FLI1: variants seen among roughly 807,000 people sequenced by gnomAD.
The protein encoded by FLI1 is Friend leukemia integration 1 transcription factor.
Under a neutral mutation model 53.1 loss-of-function variants are expected in FLI1, and 13 were observed. That is an observed-to-expected ratio of 0.24 (90% CI 0.16 to 0.39). FLI1 has a LOEUF of 0.39. FLI1 is among the 10% of genes least tolerant of loss of function. The pLI is 1.00. For synonymous variants in FLI1, 244 were observed against 236.7 expected (o/e 1.03, Z -0.28); for missense variants, 424 against 600.5 (o/e 0.71, Z 3.07).
chr11:128,693,490 G>A (rs1937846979), upstream of FLI1: 1 of 175,408 alleles, frequency 5.7e-6, no homozygotes. Context: ...GTTACCCGCA[G>A]CCCTAGCCAA....
intron 5 of FLI1, among the ~76,000 whole-genome samples, chr11:128,797,837 C>T (rs964668541): frequency 3.9e-5 from 6 of 152,038 alleles, no homozygotes; most frequent in Non-Finnish European, 8.8e-5. Flanking sequence ...GATCACCTAG[C>T]GAGGGACACA....
intron 1 of FLI1, among the ~76,000 whole-genome samples, chr11:128,752,206 C>A (rs975010148): frequency 1.3e-5 from 2 of 151,908 alleles, no homozygotes; most frequent in African/African-American, 4.8e-5. Context: ...AACCTCCTGG[C>A]CTCAGATGAT....
At chr11:128,689,470 A>C (rs1937652502), upstream of FLI1, among the ~76,000 whole-genome samples, 1 of 152,124 alleles carries the variant, frequency 6.6e-6, no homozygotes, top group African/African-American at 2.4e-5. Context: ...CCCAGGCTGC[A>C]TTCTGAGGGA....
chr11:128,809,102 C>A, intron 7 of FLI1, 55 bp from the exon 8 acceptor site: 2 of 1,386,002 alleles, frequency 1.4e-6, no homozygotes, highest in Non-Finnish European at 1.0e-6. Flanking sequence ...ATGGTTGGTA[C>A]GGTTGTCATA....
In FLI1 at chr11:128,790,740, TAG is replaced by T. The variant is rs1942246806; in HGVS notation, c.655+8720_655+8721del. Among the ~76,000 whole-genome samples the T allele has an allele frequency of 2.6e-5, 4 of 152,222 alleles. No individual in the cohort carries two copies. In the South Asian group the frequency reaches 8.3e-4, roughly 32 times the overall value. The stretch of plus-strand genomic sequence containing the variant: ...CTTATTAGAGGTGGGCCTATTCCAT[TAG>T]AGGAGGAATTTTGTGTATGTAGGTT... On this transcript the variant is annotated intron_variant, in intron 5 of 8. Coordinates refer to ENST00000527786, the MANE Select transcript of FLI1 (RefSeq NM_002017.5).
At chr11:128,800,593 C>G (rs1275504849) in intron 5 of FLI1, among the ~76,000 whole-genome samples, 1 of 152,062 alleles carries the variant, frequency 6.6e-6, no homozygotes, top group Non-Finnish European at 1.5e-5. Context: ...AGGGTCATGT[C>G]CAGAAACAGC....
At chr11:128,752,348 T>C (rs1198165889) in intron 1 of FLI1, among the ~76,000 whole-genome samples, 1 of 152,180 alleles carries the variant, frequency 6.6e-6, no homozygotes, top group African/African-American at 2.4e-5. Context: ...TATTATCTCA[T>C]TTTATCTTTA....
At chr11:128,782,062 T>A in intron 5 of FLI1, 39 bp downstream of exon 5, 1 of 1,514,626 alleles carries the variant, frequency 6.6e-7, no homozygotes, top group Non-Finnish European at 9.2e-7. Context: ...TTTTCTTCTG[T>A]ACCAGACATG....
chr11:128,807,923 C>T (rs1336083950), intron 7 of FLI1, among the ~76,000 whole-genome samples: 2 of 152,192 alleles, frequency 1.3e-5, no homozygotes, highest in East Asian at 3.8e-4. Context: ...AGCTGCTGTG[C>T]CCAAGCCCCA....
intron 5 of FLI1, among the ~76,000 whole-genome samples, chr11:128,792,466 G>A (rs1942300669): frequency 6.6e-6 from 1 of 152,162 alleles, no homozygotes; most frequent in Non-Finnish European, 1.5e-5. Context: ...GGTGGGATGG[G>A]GCGGTGGTAA....
At chr11:128,775,937 T>C (rs1454603022) in intron 4 of FLI1, among the ~76,000 whole-genome samples, 3 of 152,148 alleles carry the variant, frequency 2.0e-5, no homozygotes, top group African/African-American at 7.2e-5. Context: ...CTGTGGCTGG[T>C]TGGAAGTCAG....
intron 1 of FLI1, among the ~76,000 whole-genome samples, chr11:128,728,714 C>CAA (rs1324387963): frequency 2.0e-5 from 3 of 152,322 alleles, no homozygotes. Flanking sequence ...TTCTTCCCTT[C>CAA]AGGCACAGAA....
chr11:128,724,433 G>A (rs991845632), intron 1 of FLI1, among the ~76,000 whole-genome samples: 3 of 152,208 alleles, frequency 2.0e-5, no homozygotes, highest in Non-Finnish European at 2.9e-5. Flanking sequence ...CCAGGCTATA[G>A]GGAATTTGGG....
intron 1 of FLI1, among the ~76,000 whole-genome samples, chr11:128,703,842 CAAAAA>C (rs35230795): frequency 2.2e-5 from 1 of 45,956 alleles, no homozygotes; most frequent in South Asian, 1.0e-3. Flanking sequence ...GACTCCGTCT[CAAAAA>C]AAAAAAAAAA....
chr11:128,688,624 C>T (rs1937626737), intron 1 of FLI1, among the ~76,000 whole-genome samples: 1 of 152,092 alleles, frequency 6.6e-6, no homozygotes, highest in Non-Finnish European at 1.5e-5. Context: ...GCCAAGGGTG[C>T]CGGCTCCACC....
chr11:128,774,948 G>A (rs1327463858), intron 4 of FLI1, among the ~76,000 whole-genome samples: 1 of 152,184 alleles, frequency 6.6e-6, no homozygotes, highest in Non-Finnish European at 1.5e-5. Flanking sequence ...GAGGTGCAGA[G>A]GATGGCATTT....
intron 1 of FLI1, among the ~76,000 whole-genome samples, chr11:128,696,504 C>T (rs917808530): frequency 6.6e-6 from 1 of 152,200 alleles, no homozygotes; most frequent in Non-Finnish European, 1.5e-5. Context: ...TCCATTAAGC[C>T]TGTTTGAGAT....
chr11:128,745,043 G>A (rs1244791596), intron 1 of FLI1, among the ~76,000 whole-genome samples: 1 of 152,286 alleles, frequency 6.6e-6, no homozygotes, highest in East Asian at 1.9e-4. Flanking sequence ...AGGCAGAGAA[G>A]ACAGGGAGGC....
intron 1 of FLI1, among the ~76,000 whole-genome samples, chr11:128,729,218 G>T (rs567963172): frequency 2.6e-4 from 39 of 152,344 alleles, no homozygotes; most frequent in African/African-American, 9.4e-4. Context: ...AAGGTAGGGG[G>T]AGAGATTAAT....
Sources: gnomAD v4.1 joint callset for allele counts (sites outside exome capture counted in the v4.1 genomes callset) on GRCh38, gnomAD v4.1.1 for gene constraint, MANE v1.5 for transcripts, NCBI Gene and HGNC (gene_info 2026-07-23, HGNC 2026-07-21) for gene names.